Variants in AGBL1 observed in about 807,000 individuals in gnomAD.
The protein encoded by AGBL1 is cytosolic carboxypeptidase 4.
A neutral mutation model predicts 118.9 loss-of-function variants in AGBL1; 130 were observed. That is an observed-to-expected ratio of 1.09 (90% CI 0.95 to 1.26). The LOEUF is 1.26. AGBL1 is among the 50% of genes most tolerant of loss of function. The pLI, the probability that AGBL1 is intolerant of heterozygous loss-of-function variation, is 0.00. For missense variants in AGBL1, 1,584 were observed against 1,298.1 expected (o/e 1.22, Z -3.38); for synonymous variants, 555 against 478.9 (o/e 1.16, Z -2.08).
At chr15:86,781,555 C>T (rs1287385516) in intron 22 of AGBL1, among the ~76,000 whole-genome samples, 1 of 152,120 alleles carries the variant, frequency 6.6e-6, no homozygotes, top group South Asian at 2.1e-4. Context: ...ACACAAAAAT[C>T]ATCTTTTCTT....
chr15:86,354,182 A>G (rs1458709039), intron 17 of AGBL1, among the ~76,000 whole-genome samples: 1 of 152,220 alleles, frequency 6.6e-6, no homozygotes. Context: ...CTGAGGGGGC[A>G]TCTGCATAGG....
intron 21 of AGBL1, among the ~76,000 whole-genome samples, chr15:86,623,192 T>C (rs1443924346): frequency 1.3e-5 from 2 of 152,140 alleles, no homozygotes; most frequent in African/African-American, 4.8e-5. Context: ...AGAGAAGGAA[T>C]CGCAAGTGCA....
At chr15:86,815,674 G>T (rs558973766) in intron 22 of AGBL1, among the ~76,000 whole-genome samples, 2 of 152,072 alleles carry the variant, frequency 1.3e-5, no homozygotes, top group Non-Finnish European at 2.9e-5. Flanking sequence ...TCAGTTTGTG[G>T]ACTGGGAGGA....
At chr15:86,710,275 G>A (rs926485618) in intron 22 of AGBL1, among the ~76,000 whole-genome samples, 2 of 152,150 alleles carry the variant, frequency 1.3e-5, no homozygotes, top group South Asian at 2.1e-4. Context: ...GCATGTTGGG[G>A]TGATGCACGT....
chr15:86,158,993 C>T lies in AGBL1; in HGVS notation c.455C>T (p.Thr152Ile). The T allele has an allele frequency of 6.2e-7, 1 of 1,613,342 alleles. No individual in the cohort carries two copies. The part of the protein sequence containing the change: ...GAMELLFKVI[T>I]PYTRKRTQAI... The stretch of plus-strand genomic sequence containing the variant: ...ATGGAACTGCTTTTCAAGGTTATTA[C>T]TCCTTACACCCGAAAGCGCACCCAA... Residue 152 changes from threonine (T) to isoleucine (I), a missense_variant, in exon 5 of 23, where the codon ACT (threonine) becomes ATT (isoleucine). Transcript: ENST00000614907.
intron 18 of AGBL1, among the ~76,000 whole-genome samples, chr15:86,509,107 A>G: frequency 6.6e-6 from 1 of 152,202 alleles, no homozygotes; most frequent in Middle Eastern, 3.2e-3. Context: ...TGAGAGATCC[A>G]GACTTGAATG....
intron 22 of AGBL1, among the ~76,000 whole-genome samples, chr15:86,821,569 T>A (rs1440018707): frequency 6.6e-6 from 1 of 152,168 alleles, no homozygotes; most frequent in Non-Finnish European, 1.5e-5. Flanking sequence ...TGATGACTCA[T>A]TTGTGTAACA....
chr15:86,644,562 G>A (rs1206519385), intron 21 of AGBL1, among the ~76,000 whole-genome samples: 1 of 151,400 alleles, frequency 6.6e-6, no homozygotes, highest in African/African-American at 2.4e-5. Flanking sequence ...TCTCATGTCT[G>A]GCATCTTTCA....
intron 18 of AGBL1, among the ~76,000 whole-genome samples, chr15:86,482,589 T>A (rs1216310805): frequency 3.3e-5 from 5 of 152,060 alleles, no homozygotes; most frequent in Non-Finnish European, 7.4e-5. Flanking sequence ...ACCCTTCATG[T>A]TTTATATTAA....
At position 86,161,564 on chromosome 15, in the gene AGBL1, C is replaced by T. The variant is rs540845904; in HGVS notation, c.488+2538C>T. Reference sequence around the variant, plus strand: ...TCCAGCATTTTATTTCTACAACCATCATATGTAAGACGATCATATGCAGTT... The same window carrying T: ...TCCAGCATTTTATTTCTACAACCATTATATGTAAGACGATCATATGCAGTT... On this transcript the variant is annotated intron_variant, in intron 5 of 22. Transcript: ENST00000614907. Among the ~76,000 whole-genome samples, 12 of 152,312 alleles carry T rather than the reference C, an allele frequency of 7.9e-5. No homozygotes were observed. The East Asian group carries it at 1.9e-3, about 25-fold the overall frequency.
intron 18 of AGBL1, among the ~76,000 whole-genome samples, chr15:86,436,795 A>G (rs1350145847): frequency 6.6e-6 from 1 of 152,200 alleles, no homozygotes; most frequent in Non-Finnish European, 1.5e-5. Flanking sequence ...AGGAAAGACT[A>G]AGGATGTATA....
intron 7 of AGBL1, among the ~76,000 whole-genome samples, chr15:86,256,192 G>A (rs2078892302): frequency 6.6e-6 from 1 of 152,126 alleles, no homozygotes; most frequent in African/African-American, 2.4e-5. Context: ...TTTTCACAGT[G>A]TCTGAAAAGA....
At chr15:87,000,039 C>G (rs2081420542) in intron 24 of AGBL1, among the ~76,000 whole-genome samples, 1 of 85,160 alleles carries the variant, frequency 1.2e-5, no homozygotes, top group Non-Finnish European at 2.8e-5. Flanking sequence ...GGAGAAGTGT[C>G]TGTTCATGTC....
At chr15:86,992,407 C>A (rs2081343597) in intron 24 of AGBL1, among the ~76,000 whole-genome samples, 1 of 152,146 alleles carries the variant, frequency 6.6e-6, no homozygotes, top group African/African-American at 2.4e-5. Context: ...AATACATTCC[C>A]ATTTAACTTG....
At chr15:86,398,129 A>T (rs1486545111) in intron 18 of AGBL1, among the ~76,000 whole-genome samples, 1 of 152,216 alleles carries the variant, frequency 6.6e-6, no homozygotes, top group Non-Finnish European at 1.5e-5. Context: ...ATGTCAGCTG[A>T]AAAACAGAAG....
chr15:86,997,893 AC>A (rs2081394623), intron 24 of AGBL1, among the ~76,000 whole-genome samples: 1 of 1,326 alleles, frequency 7.5e-4, no homozygotes, highest in Non-Finnish European at 2.4e-3. Context: ...TGTGGAAGAC[AC>A]ACACACACAC....
intron 5 of AGBL1, among the ~76,000 whole-genome samples, chr15:86,184,052 A>G (rs2077589764): frequency 6.6e-6 from 1 of 152,176 alleles, no homozygotes; most frequent in Admixed American, 6.6e-5. Context: ...CACATTCCTT[A>G]AGACAGAAAG....
chr15:86,614,820 A>T (rs372343311), intron 21 of AGBL1, among the ~76,000 whole-genome samples: 1 of 152,220 alleles, frequency 6.6e-6, no homozygotes, highest in Non-Finnish European at 1.5e-5. Context: ...CATATAATCT[A>T]CTGATCGTAA....
chr15:86,433,263 C>CTTTTTTTTTTTTTTTTTTTTTTTTT, intron 18 of AGBL1, among the ~76,000 whole-genome samples: 1 of 54,948 alleles, frequency 1.8e-5, no homozygotes, highest in Non-Finnish European at 3.4e-5. Context: ...CCTCCTCCTT[C>CTTTTTTTTTTTTTTTTTTTTTTTTT]TTCTTTTTTT....
Sources: allele counts gnomAD v4.1 joint callset (sites outside exome capture counted in the v4.1 genomes callset), GRCh38; gene constraint gnomAD v4.1.1; transcripts MANE v1.5; gene names NCBI Gene and HGNC (gene_info 2026-07-23, HGNC 2026-07-21).